Variants in BBS2 observed in about 807,000 individuals in gnomAD.
BBS2 encodes the protein Bardet-Biedl syndrome 2.
BBS2 carries 62 observed loss-of-function variants against 83.0 expected under a neutral mutation model. The observed-to-expected ratio is 0.75, with a 90% CI of 0.61 to 0.92. BBS2 has a LOEUF of 0.92. Ranked by LOEUF, BBS2 falls within the 40% of genes least tolerant of loss-of-function variation. The pLI is 0.00. For missense variants in BBS2, 784 were observed against 901.0 expected (o/e 0.87, Z 1.66); for synonymous variants, 303 against 326.1 (o/e 0.93, Z 0.76).
downstream of BBS2, among the ~76,000 whole-genome samples, chr16:56,481,912 C>A (rs79348593): frequency 6.4e-4 from 98 of 152,306 alleles, no homozygotes; most frequent in East Asian, 0.016. Flanking sequence ...AGCTGTGGGA[C>A]CCTGTACAGG....
chr16:56,484,501 T>C lies in BBS2; in HGVS notation c.*260A>G, dbSNP rs1467441535. The C allele has an allele frequency of 2.9e-6, 1 of 343,150 alleles. No individual in the cohort carries two copies. The highest frequency in any genetic ancestry group is 5.4e-5 in the East Asian group (1 of 18,682). 21.3% of individuals were successfully genotyped at this position (343,150 alleles called of 1,614,324 possible). On this transcript the variant is annotated 3_prime_UTR_variant, in exon 17 of 17. Transcript: ENST00000245157. ...ATACCATAAATAAGCAAAATTGGAC[T>C]CTGAAGCCCTAATACTTCAAAAGCA... is the stretch of plus-strand genomic sequence containing the variant.
In BBS2 at chr16:56,520,009, C is replaced by T. The variant is rs886052154; in HGVS notation, c.-147G>A. On this transcript the variant is annotated 5_prime_UTR_variant, in exon 1 of 17. Coordinates refer to ENST00000245157, the MANE Select transcript of BBS2 (RefSeq NM_031885.5). ...GACGCGAAACAGCCCGGGACGAACCCGTCCAGGTACCGCCTGCTCCTCCTG... is the reference window on the plus strand; with the variant it reads ...GACGCGAAACAGCCCGGGACGAACCTGTCCAGGTACCGCCTGCTCCTCCTG... 2.8e-6 allele frequency: 2 copies of T among 705,616 alleles called. No homozygotes were observed. Among genetic ancestry groups the T allele is most frequent in the African/African-American group, 1.8e-5 (1 of 56,698 alleles). The allele number at this position is 705,616 out of a possible 1,614,324, so 43.7% of individuals were successfully genotyped here. A position where few individuals can be genotyped will look rare whatever the true frequency, so the allele number is the denominator to read the frequency against.
At chr16:56,510,835 A>T in intron 4 of BBS2, 24 bp downstream of exon 4, 1 of 1,612,582 alleles carries the variant, frequency 6.2e-7, no homozygotes. Context: ...AACACACAAG[A>T]GAGATATCTC....
chr16:56,501,964 C>T (rs543239493), intron 9 of BBS2: 11 of 382,656 alleles, frequency 2.9e-5, no homozygotes, highest in Admixed American at 7.7e-5. Flanking sequence ...CTTGGTAAGA[C>T]GACAGATATC....
rs941320041 is a variant in BBS2 at position 56,493,941 on chromosome 16, A to G, written c.1910+3026T>C. 3.3e-5 allele frequency among the ~76,000 whole-genome samples: 5 copies of G among 152,174 alleles called. No individual in the cohort carries two copies. In the East Asian group the frequency reaches 9.6e-4, roughly 29 times the overall value. On this transcript the variant is annotated intron_variant, in intron 15 of 16. Transcript: ENST00000245157. Reference sequence around the variant, plus strand: ...TAAAATGAAGCAAATAGTTATGTTGATACTGATTGGAGCCATGATATTCCC... The same window carrying G: ...TAAAATGAAGCAAATAGTTATGTTGGTACTGATTGGAGCCATGATATTCCC...
At position 56,493,846 on chromosome 16, in the gene BBS2, T is replaced by TA. The variant is rs1213649079; in HGVS notation, c.1910+3120dup. Among the ~76,000 whole-genome samples the TA allele has an allele frequency of 7.9e-5, 12 of 152,318 alleles. No individual in the cohort carries two copies. The South Asian group carries it at 2.1e-3, about 26-fold the overall frequency. ...CAAAGAATTAACACACAAAAAATCT[T>TA]AAACTGTTTTCAGCAATCATATTGT... On this transcript the variant is annotated intron_variant, in intron 15 of 16. Coordinates refer to ENST00000245157, the MANE Select transcript of BBS2 (RefSeq NM_031885.5).
rs534929242 is a variant in BBS2, at chr16:56,494,408, A to G, written c.1910+2559T>C. On this transcript the variant is annotated intron_variant, in intron 15 of 16. Coordinates refer to ENST00000245157, the MANE Select transcript of BBS2 (RefSeq NM_031885.5). ...AAATTCCTAGCTCTACGCATTGAAAAGGCCTAAAAACAATAATCAACCCAG... is the reference window on the plus strand; with the variant it reads ...AAATTCCTAGCTCTACGCATTGAAAGGGCCTAAAAACAATAATCAACCCAG... 2.6e-5 allele frequency among the ~76,000 whole-genome samples: 4 copies of G among 152,252 alleles called. No homozygotes were observed. In the South Asian group the frequency reaches 8.3e-4, roughly 32 times the overall value.
At chr16:56,479,310 C>A (rs1296840930) in intron 17 of BBS2, among the ~76,000 whole-genome samples, 2 of 152,088 alleles carry the variant, frequency 1.3e-5, no homozygotes, top group East Asian at 3.9e-4. Flanking sequence ...CCTATCTCTG[C>A]TAAAAATACA....
At chr16:56,508,705 G>A (rs1294267545) in intron 5 of BBS2, among the ~76,000 whole-genome samples, 2 of 151,016 alleles carry the variant, frequency 1.3e-5, no homozygotes, top group Non-Finnish European at 2.9e-5. Context: ...GAATGCAGTG[G>A]CGTGATCATA....
chr16:56,499,944 G>T, intron 11 of BBS2, 37 bp from the exon 12 acceptor site: 1 of 1,612,144 alleles, frequency 6.2e-7, no homozygotes, highest in Non-Finnish European at 8.5e-7. Flanking sequence ...GAATTGTTTT[G>T]TATAGAATGT....
At chr16:56,503,734 A>G (rs1204415607) in intron 7 of BBS2, among the ~76,000 whole-genome samples, 2 of 152,172 alleles carry the variant, frequency 1.3e-5, no homozygotes, top group African/African-American at 4.8e-5. Context: ...TCTGGCTAAC[A>G]TGGTGAAACC....
chr16:56,510,847 T>C lies in BBS2; in HGVS notation c.534+12A>G, dbSNP rs772649130. The C allele has an allele frequency of 1.2e-6, 2 of 1,613,360 alleles. No homozygotes were observed. Among genetic ancestry groups the C allele is most frequent in the Non-Finnish European group, 1.7e-6 (2 of 1,179,406 alleles). On this transcript the variant is annotated intron_variant, in intron 4 of 16. Coordinates refer to ENST00000245157, the MANE Select transcript of BBS2 (RefSeq NM_031885.5). ...CTGAACACACAAGAGAGATATCTCC[T>C]CCCCCACATACCTCTTTCTTTCCAT...
At chr16:56,486,472 T>C (rs368926685) in intron 15 of BBS2, among the ~76,000 whole-genome samples, 2 of 152,202 alleles carry the variant, frequency 1.3e-5, no homozygotes, top group African/African-American at 2.4e-5. Context: ...AGTTGGTGAA[T>C]AGATAAATAT....
At chr16:56,493,013 C>T (rs1460520429) in intron 15 of BBS2, among the ~76,000 whole-genome samples, 1 of 151,984 alleles carries the variant, frequency 6.6e-6, no homozygotes, top group Non-Finnish European at 1.5e-5. Flanking sequence ...AAATGGAGTA[C>T]TATGTAGCCG....
At chr16:56,510,536 A>C (rs1941795045) in intron 4 of BBS2, among the ~76,000 whole-genome samples, 1 of 152,206 alleles carries the variant, frequency 6.6e-6, no homozygotes, top group African/African-American at 2.4e-5. Context: ...ATTGAAAACT[A>C]TATACTAATA....
At chr16:56,503,733 C>T (rs1247833616) in intron 7 of BBS2, among the ~76,000 whole-genome samples, 1 of 152,160 alleles carries the variant, frequency 6.6e-6, no homozygotes, top group Non-Finnish European at 1.5e-5. Context: ...TTCTGGCTAA[C>T]ATGGTGAAAC....
chr16:56,470,532 G>A, exon 18 of BBS2: 1 of 1,613,908 alleles, frequency 6.2e-7, no homozygotes, highest in Non-Finnish European at 8.5e-7. Flanking sequence ...AGATATTGAA[G>A]GAGTGCATGA....
chr16:56,514,334 CCTATA>C (rs1380816298), intron 2 of BBS2, 114 bp downstream of exon 2: 16 of 909,252 alleles, frequency 1.8e-5, no homozygotes, highest in African/African-American at 3.3e-5. Context: ...ATGTTGTTTA[CCTATA>C]CTATAACAGT....
intron 1 of BBS2, among the ~76,000 whole-genome samples, chr16:56,517,536 C>A (rs1198220232): frequency 6.6e-6 from 1 of 152,226 alleles, no homozygotes; most frequent in Non-Finnish European, 1.5e-5. Context: ...TCTAAGACAC[C>A]AAGCTCCCAT....
Sources: gnomAD v4.1 joint callset for allele counts (sites outside exome capture counted in the v4.1 genomes callset) on GRCh38, gnomAD v4.1.1 for gene constraint, MANE v1.5 for transcripts, NCBI Gene and HGNC (gene_info 2026-07-23, HGNC 2026-07-21) for gene names.